Variants in PATL2 observed in about 807,000 individuals in gnomAD.
The protein encoded by PATL2 is PAT1 homolog 2, also known as protein PAT1 homolog 2.
PATL2 carries 73 observed loss-of-function variants against 77.0 expected under a neutral mutation model. The observed-to-expected ratio is 0.95, with a 90% CI of 0.78 to 1.15. The LOEUF is 1.15. Ranked by LOEUF, PATL2 falls within the 50% of genes most tolerant of loss-of-function variation. The pLI is 0.00. For missense variants in PATL2, 618 were observed against 655.4 expected (o/e 0.94, Z 0.62); for synonymous variants, 265 against 257.1 (o/e 1.03, Z -0.29).
rs1405058520 is a variant in PATL2, at chr15:44,670,442, C to T, written c.658-355G>A. Among the ~76,000 whole-genome samples the T allele has an allele frequency of 2.6e-5, 4 of 152,184 alleles. No homozygotes were observed. In the East Asian group the frequency reaches 7.7e-4, roughly 29 times the overall value. The stretch of plus-strand genomic sequence containing the variant: ...CTCCTGGACTCAAGCAATCAGCCCT[C>T]CTTGGCCTCCCAAAGTGCTGGGATT... On this transcript the variant is annotated intron_variant, in intron 9 of 17. Transcript: ENST00000682850.
chr15:44,703,752 T>A (rs35227395), intron 3 of PATL2, among the ~76,000 whole-genome samples: 35 of 123,690 alleles, frequency 2.8e-4, no homozygotes, highest in South Asian at 1.4e-3. Flanking sequence ...TTTTTTTTTT[T>A]AAATCCATTC....
At chr15:44,666,040 T>C in intron 17 of PATL2, 69 bp from the exon 18 acceptor site, 2 of 1,349,712 alleles carry the variant, frequency 1.5e-6, no homozygotes, top group Non-Finnish European at 2.0e-6. Flanking sequence ...ATTTAATTAG[T>C]ATCTGACTCT....
Position 44,676,116 on chromosome 15 carries a change from G to C in PATL2, c.16+359C>G, listed in dbSNP as rs138093432. ...AATTCCTTCATTAAGTTCTAGCACA[G>C]CCTTTTCCATCTGCTCTGCCCCACC... On this transcript the variant is annotated intron_variant, in intron 4 of 17. Coordinates refer to ENST00000682850, the MANE Select transcript of PATL2 (RefSeq NM_001387263.1). The C allele has an allele frequency of 7.4e-5, 27 of 364,156 alleles. No individual in the cohort carries two copies. In the East Asian group the frequency reaches 1.7e-3, roughly 22 times the overall value. 22.6% of individuals were successfully genotyped at this position (364,156 alleles called of 1,614,324 possible).
intron 3 of PATL2, among the ~76,000 whole-genome samples, chr15:44,698,166 T>C (rs1383197322): frequency 6.6e-6 from 1 of 151,934 alleles, no homozygotes; most frequent in Non-Finnish European, 1.5e-5. Flanking sequence ...GTGTATGAGA[T>C]ATTTTGATAC....
intron 6 of PATL2, 91 bp downstream of exon 6, chr15:44,674,059 G>T (rs2085825952): frequency 6.5e-6 from 8 of 1,237,108 alleles, no homozygotes; most frequent in Non-Finnish European, 9.0e-6. Context: ...CTCACTTTGG[G>T]TGCCTTAACT....
chr15:44,675,656 C>G lies in PATL2; in HGVS notation c.52G>C (p.Glu18Gln). 6.4e-7 allele frequency: 1 copy of G among 1,551,474 alleles called. No homozygotes were observed. Among genetic ancestry groups the G allele is most frequent in the Non-Finnish European group, 8.7e-7 (1 of 1,146,824 alleles). Reference sequence around the variant, plus strand: ...AACTGGCAGGCAGACACCAGCTCCTCCTCAGAAGCCAAGGGGCCACAGGTC... The same window carrying G: ...AACTGGCAGGCAGACACCAGCTCCTGCTCAGAAGCCAAGGGGCCACAGGTC... ...GKTCGPLASE[E>Q]ELVSACQLEK... The change falls in exon 5 of 18, where the codon GAG becomes CAG. Residue 18 changes from glutamate (E) to glutamine (Q), a missense_variant. Physicochemically the swap from Glu to Gln is conservative, Grantham distance 29 (BLOSUM62 2). Transcript: ENST00000682850.
At chr15:44,694,153 G>A (rs986287414) in intron 3 of PATL2, among the ~76,000 whole-genome samples, 2 of 152,120 alleles carry the variant, frequency 1.3e-5, no homozygotes, top group Non-Finnish European at 2.9e-5. Context: ...TAAACTCTGA[G>A]TTATGTACTG....
intron 3 of PATL2, among the ~76,000 whole-genome samples, chr15:44,689,036 C>T (rs190139610): frequency 4.0e-4 from 61 of 152,178 alleles, no homozygotes; most frequent in African/African-American, 1.5e-3. Context: ...ACAACCCCAT[C>T]AAAAAGTGGG....
At chr15:44,673,465 C>G in intron 6 of PATL2, 88 bp from the exon 7 acceptor site, 2 of 1,475,800 alleles carry the variant, frequency 1.4e-6, no homozygotes. Flanking sequence ...CCTTTCCTAC[C>G]TTTTCCCCTC....
chr15:44,695,174 C>A (rs544817255), intron 3 of PATL2, among the ~76,000 whole-genome samples: 1 of 150,004 alleles, frequency 6.7e-6, no homozygotes, highest in East Asian at 1.9e-4. Flanking sequence ...GGCGACAGAG[C>A]GAGACTCCCT....
chr15:44,672,841 C>T (rs925330045), intron 7 of PATL2, among the ~76,000 whole-genome samples: 2 of 152,170 alleles, frequency 1.3e-5, no homozygotes, highest in Non-Finnish European at 2.9e-5. Context: ...CTCACTGCAA[C>T]CTCTGGCTCC....
chr15:44,686,539 G>A (rs2086261782), intron 3 of PATL2, among the ~76,000 whole-genome samples: 1 of 152,058 alleles, frequency 6.6e-6, no homozygotes, highest in South Asian at 2.1e-4. Flanking sequence ...GCTAGCAGAA[G>A]ACAAGAAATA....
In PATL2 at chr15:44,711,096, T is replaced by C; in HGVS notation, c.-330A>G. On this transcript the variant is annotated 5_prime_UTR_variant, in exon 1 of 18. The change abolishes an upstream ATG in the 5' untranslated region. Transcript: ENST00000682850. The stretch of plus-strand genomic sequence containing the variant: ...GAAGTTCTCCTTCTGCTAGGTAGCA[T>C]TCAAAGATCTTAATCTTCTGGGTTT... 3.3e-6 allele frequency: 1 copy of C among 305,016 alleles called. No homozygotes were observed. Among genetic ancestry groups the C allele is most frequent in the Non-Finnish European group, 6.4e-6 (1 of 155,488 alleles). The allele number at this position is 305,016 out of a possible 1,614,324, so 18.9% of individuals were successfully genotyped here.
intron 3 of PATL2, among the ~76,000 whole-genome samples, chr15:44,707,501 C>A (rs1231602589): frequency 6.6e-6 from 1 of 152,126 alleles, no homozygotes; most frequent in Non-Finnish European, 1.5e-5. Flanking sequence ...CCTTCTGGCC[C>A]AGGGTGTGGC....
chr15:44,700,011 G>C (rs1338092917), intron 3 of PATL2, among the ~76,000 whole-genome samples: 2 of 151,924 alleles, frequency 1.3e-5, no homozygotes, highest in Non-Finnish European at 2.9e-5. Flanking sequence ...TAAATTTTAG[G>C]ATTTTTTTTC....
chr15:44,675,388 T>C, intron 5 of PATL2, 98 bp downstream of exon 5: 1 of 1,351,950 alleles, frequency 7.4e-7, no homozygotes, highest in Non-Finnish European at 1.0e-6. Flanking sequence ...GAACTTGTCT[T>C]AGAAAAGGGT....
At chr15:44,672,696 T>C (rs2085749629) in intron 7 of PATL2, among the ~76,000 whole-genome samples, 1 of 152,236 alleles carries the variant, frequency 6.6e-6, no homozygotes, top group Admixed American at 6.5e-5. Context: ...GAAAACATTT[T>C]GGCCTGGTCA....
rs889109517 is a variant in PATL2 at position 44,669,965 on chromosome 15, A to G, written c.778+2T>C. The G allele has an allele frequency of 1.3e-6, 2 of 1,549,092 alleles. No homozygotes were observed. The highest frequency in any genetic ancestry group is 1.7e-6 in the Non-Finnish European group (2 of 1,145,768). On this transcript the variant is annotated splice_donor_variant, in intron 10 of 17. Coordinates refer to ENST00000682850, the MANE Select transcript of PATL2 (RefSeq NM_001387263.1). LOFTEE classifies it high-confidence loss of function. ...AAGTCAGCAGGTCAGCCCTGACCCT[A>G]CCGGACTCATAAGCCTCTGCCTTCG... is the stretch of plus-strand genomic sequence containing the variant.
intron 8 of PATL2, 61 bp from the exon 9 acceptor site, chr15:44,672,217 T>C (rs1367956153): frequency 5.4e-5 from 84 of 1,550,596 alleles, no homozygotes; most frequent in Non-Finnish European, 6.7e-5. Context: ...CTAAGGAGTG[T>C]GGTGAGCAGG....
Sources: allele counts gnomAD v4.1 joint callset (sites outside exome capture counted in the v4.1 genomes callset), GRCh38; gene constraint gnomAD v4.1.1; transcripts MANE v1.5; gene names NCBI Gene and HGNC (gene_info 2026-07-23, HGNC 2026-07-21).